THSD7A: variants seen among roughly 807,000 people sequenced by gnomAD.
THSD7A encodes the protein thrombospondin type 1 domain containing 7A.
A neutral mutation model predicts 231.3 loss-of-function variants in THSD7A; 96 were observed. The ratio of observed to expected loss-of-function variants is 0.41; its 90% confidence interval spans 0.35 to 0.49. THSD7A has a LOEUF of 0.49. THSD7A is among the 20% of genes least tolerant of loss of function. The pLI is 0.05. For synonymous variants in THSD7A, 940 were observed against 743.3 expected, an observed-to-expected ratio of 1.26 and a Z score of -4.30; for missense variants, 2,290 against 2,070.2, an observed-to-expected ratio of 1.11 and a Z score of -2.06.
At chr7:11,489,588 A>G (rs1321503700) in intron 6 of THSD7A, among the ~76,000 whole-genome samples, 2 of 152,080 alleles carry the variant, frequency 1.3e-5, no homozygotes, top group Non-Finnish European at 2.9e-5. Flanking sequence ...CCTAACTTCT[A>G]TAGGCATTAA....
intron 1 of THSD7A, among the ~76,000 whole-genome samples, chr7:11,706,630 C>CTTTTTTTTTTTTTTTTTGTT (rs1780777224): frequency 1.5e-5 from 1 of 66,420 alleles, no homozygotes; most frequent in Non-Finnish European, 2.7e-5. Flanking sequence ...TAACAAGGTG[C>CTTTTTTTTTTTTTTTTTGTT]TTTTTTTTTT....
chr7:11,800,826 T>C (rs1784253844), intron 1 of THSD7A, among the ~76,000 whole-genome samples: 1 of 152,110 alleles, frequency 6.6e-6, no homozygotes, highest in African/African-American at 2.4e-5. Context: ...GTACCTATAG[T>C]TAACAATGCA....
At chr7:11,491,873 G>T (rs184109326) in intron 6 of THSD7A, among the ~76,000 whole-genome samples, 1 of 152,012 alleles carries the variant, frequency 6.6e-6, no homozygotes, top group African/African-American at 2.4e-5. Flanking sequence ...GCCTTGCAAC[G>T]CTCTTTTTGG....
intron 2 of THSD7A, among the ~76,000 whole-genome samples, chr7:11,610,485 G>C (rs1196283463): frequency 6.6e-6 from 1 of 152,086 alleles, no homozygotes; most frequent in Non-Finnish European, 1.5e-5. Context: ...CAGTTGATGA[G>C]ATAGAGTTCC....
chr7:11,495,324 C>G, intron 6 of THSD7A, among the ~76,000 whole-genome samples: 1 of 151,812 alleles, frequency 6.6e-6, no homozygotes, highest in East Asian at 1.9e-4. Flanking sequence ...AGTAGGTAAA[C>G]TTTAGAAGAC....
chr7:11,528,146 T>A (rs1207506797), intron 6 of THSD7A, among the ~76,000 whole-genome samples: 4 of 152,026 alleles, frequency 2.6e-5, no homozygotes. Flanking sequence ...CCAGCCTGGG[T>A]GACAGAGTGA....
intron 4 of THSD7A, among the ~76,000 whole-genome samples, chr7:11,549,237 A>G (rs2354962): frequency 0.25 from 38,620 of 152,024 alleles, 4,984 homozygotes; most frequent in Middle Eastern, 0.38. Flanking sequence ...AAAAGTCAAG[A>G]AACAATACAT....
chr7:11,428,172 G>A (rs1784377955), intron 14 of THSD7A, among the ~76,000 whole-genome samples: 1 of 152,124 alleles, frequency 6.6e-6, no homozygotes, highest in Admixed American at 6.5e-5. Context: ...TCATTTGATT[G>A]TGATTTAAAT....
chr7:11,711,703 A>G (rs1281848795), intron 1 of THSD7A, among the ~76,000 whole-genome samples: 3 of 151,276 alleles, frequency 2.0e-5, no homozygotes, highest in Non-Finnish European at 4.5e-5. Context: ...GAACTGGCAG[A>G]AGTATGTAAC....
chr7:11,746,999 A>C (rs2128163303), intron 1 of THSD7A, among the ~76,000 whole-genome samples: 1 of 151,954 alleles, frequency 6.6e-6, no homozygotes, highest in East Asian at 1.9e-4. Context: ...CCACATTACA[A>C]AGTAATATGG....
At chr7:11,561,809 G>A (rs1343924550) in intron 4 of THSD7A, among the ~76,000 whole-genome samples, 1 of 152,108 alleles carries the variant, frequency 6.6e-6, no homozygotes, top group Non-Finnish European at 1.5e-5. Context: ...GGAGGTCACA[G>A]CACTGCATTC....
At chr7:11,514,884 C>T (rs1056139758) in intron 6 of THSD7A, among the ~76,000 whole-genome samples, 4 of 152,024 alleles carry the variant, frequency 2.6e-5, no homozygotes, top group Non-Finnish European at 5.9e-5. Context: ...AACTAAGAAC[C>T]ACTAATATTT....
chr7:11,402,285 T>A (rs917550234), intron 22 of THSD7A, among the ~76,000 whole-genome samples: 1 of 152,238 alleles, frequency 6.6e-6, no homozygotes, highest in Non-Finnish European at 1.5e-5. Flanking sequence ...AAACCTACTA[T>A]CATTCTTGTC....
chr7:11,549,246 A>G (rs1430588588), intron 4 of THSD7A, among the ~76,000 whole-genome samples: 2 of 152,052 alleles, frequency 1.3e-5, no homozygotes, highest in Non-Finnish European at 2.9e-5. Flanking sequence ...GAAACAATAC[A>G]TGCTGGCAAG....
At chr7:11,720,752 C>A (rs901191404) in intron 1 of THSD7A, among the ~76,000 whole-genome samples, 1 of 151,686 alleles carries the variant, frequency 6.6e-6, no homozygotes. Context: ...CTTCTCAGGC[C>A]TTATTTGCTT....
intron 1 of THSD7A, among the ~76,000 whole-genome samples, chr7:11,719,690 C>T (rs1366704496): frequency 6.6e-6 from 1 of 151,594 alleles, no homozygotes; most frequent in East Asian, 2.0e-4. Flanking sequence ...GTCTACTCCA[C>T]ATTTCACATA....
In THSD7A at chr7:11,558,516, G is replaced by A. The variant is rs992145547; in HGVS notation, c.1454-15399C>T. Among the ~76,000 whole-genome samples the A allele has an allele frequency of 3.3e-5, 5 of 152,116 alleles. No homozygotes were observed. The South Asian group carries it at 6.2e-4, about 19-fold the overall frequency. On this transcript the variant is annotated intron_variant, in intron 4 of 27. Transcript: ENST00000423059. ...AACTTTCTGTTTTAATGGGCTACTG[G>A]GAAACCTAGAATTGCATATCCAGGG...
chr7:11,762,200 A>G (rs1227582810), intron 1 of THSD7A, among the ~76,000 whole-genome samples: 2 of 152,162 alleles, frequency 1.3e-5, no homozygotes, highest in Non-Finnish European at 2.9e-5. Flanking sequence ...GTGCTGTGAT[A>G]AACATACAAG....
chr7:11,746,076 A>G (rs1782289499), intron 1 of THSD7A, among the ~76,000 whole-genome samples: 1 of 152,078 alleles, frequency 6.6e-6, no homozygotes, highest in Non-Finnish European at 1.5e-5. Context: ...CCTACCCATG[A>G]GCATGGAATG....
Sources: gnomAD v4.1 joint callset for allele counts (sites outside exome capture counted in the v4.1 genomes callset) on GRCh38, gnomAD v4.1.1 for gene constraint, MANE v1.5 for transcripts, NCBI Gene and HGNC (gene_info 2026-07-23, HGNC 2026-07-21) for gene names.